Variants in STAB1 observed in about 807,000 individuals in gnomAD.
The protein encoded by STAB1 is stabilin-1.
STAB1 carries 250 observed loss-of-function variants against 332.4 expected under a neutral mutation model. The ratio of observed to expected loss-of-function variants is 0.75; its 90% confidence interval spans 0.68 to 0.84. STAB1 has a LOEUF of 0.84. STAB1 is among the 40% of genes least tolerant of loss of function. STAB1 has a pLI of 0.00. For synonymous variants in STAB1, 1,475 were observed against 1,390.4 expected, an observed-to-expected ratio of 1.06 and a Z score of -1.35; for missense variants, 3,249 against 3,489.7, an observed-to-expected ratio of 0.93 and a Z score of 1.74.
Position 52,516,692 on chromosome 3 carries a change from C to T in STAB1, c.4287C>T (p.Asn1429=). The T allele has an allele frequency of 6.2e-7, 1 of 1,612,426 alleles. No individual in the cohort carries two copies. The highest frequency in any genetic ancestry group is 1.3e-5 in the African/African-American group (1 of 75,032). Residue 1429 remains asparagine, a splice_region_variant and synonymous_variant, in exon 41 of 69, where the codon AAC becomes AAT. Coordinates refer to ENST00000321725, the MANE Select transcript of STAB1 (RefSeq NM_015136.3). ...AAGCTGCTGCTACCACCCCTCCCAG[C>T]TGCGTGCAGGACTCGGCCGGAGCCT... ...QCPRKCDPNA[N]CVQDSAGAST...
At chr3:52,520,603 T>A (rs755733052) in intron 53 of STAB1, 39 bp from the exon 54 acceptor site, 29 of 1,612,642 alleles carry the variant, frequency 1.8e-5, no homozygotes, top group Non-Finnish European at 2.4e-5. Context: ...GTGGTGTCCA[T>A]CCACCTGACT....
At chr3:52,519,602 A>G (rs1192529430) in intron 50 of STAB1, 38 bp downstream of exon 50, 1 of 1,571,380 alleles carries the variant, frequency 6.4e-7, no homozygotes, top group South Asian at 1.1e-5. Flanking sequence ...GTGGACACAC[A>G]TGCACGTGTA....
intron 25 of STAB1, among the ~76,000 whole-genome samples, chr3:52,511,440 C>G (rs899338941): frequency 6.6e-6 from 1 of 152,232 alleles, no homozygotes; most frequent in Non-Finnish European, 1.5e-5. Flanking sequence ...ATGCTCTCAC[C>G]TCCGTGGACT....
rs1276934969 is a variant in STAB1 at position 52,510,023 on chromosome 3, A to C, written c.2501A>C (p.His834Pro). 2 of 1,607,850 alleles carry C rather than the reference A, an allele frequency of 1.2e-6. No homozygotes were observed. ...PTGLAQHCHL[H>P]ARCVSQEGVA... ...GGGCTGGCCCAGCACTGCCACCTGC[A>C]TGCCCGCTGTGTTAGCCAGGAGGGT... The change falls in exon 23 of 69, where the codon CAT (histidine) becomes CCT (proline). Residue 834 changes from histidine (H) to proline (P), a missense_variant. Transcript: ENST00000321725.
Position 52,503,859 on chromosome 3 carries a change from G to A in STAB1, c.979G>A (p.Asp327Asn), listed in dbSNP as rs757736139. 1.1e-5 allele frequency: 17 copies of A among 1,613,220 alleles called. No homozygotes were observed. The highest frequency in any genetic ancestry group is 1.4e-5 in the Non-Finnish European group (17 of 1,180,022). Residue 327 changes from aspartate to asparagine, a missense_variant, in exon 9 of 69, where the codon GAC (aspartate) becomes AAC (asparagine). Asp to Asn is a conservative substitution (Grantham distance 23). Transcript: ENST00000321725. ...CGCCTTCTGCTCCCCCTTCTCCTGC[G>A]ACCGGTCTGCCACTTGCCAGGTGAC... ...CFAFCSPFSC[D>N]RSATCQVTAD...
chr3:52,507,325 A>G (rs138208839), intron 18 of STAB1, among the ~76,000 whole-genome samples: 69 of 152,332 alleles, frequency 4.5e-4, no homozygotes, highest in African/African-American at 1.6e-3. Context: ...GATTACAGGC[A>G]TGAGCCACTG....
chr3:52,500,494 T>C (rs1010383770), intron 1 of STAB1, among the ~76,000 whole-genome samples: 1 of 152,250 alleles, frequency 6.6e-6, no homozygotes, highest in Non-Finnish European at 1.5e-5. Flanking sequence ...CTCTGATTCC[T>C]GGGCAGCGGA....
rs1348626121 is a variant in STAB1 at position 52,521,672 on chromosome 3, G to A, written c.6135G>A (p.Trp2045Ter). ...GCTCCTGCTTCTGTGATGAAGGCTG[G>A]ACTGGGCCACGCTGTGAGGTGCAAC... is the stretch of plus-strand genomic sequence containing the variant. ...GSGSCFCDEGWTGPRCEVQLE... is the reference protein window; with the variant it reads ...GSGSCFCDEG The change falls in exon 57 of 69, where the codon TGG (tryptophan) becomes TGA (stop). Residue 2045 changes from tryptophan to a stop codon, truncating the protein, a stop_gained. Coordinates refer to ENST00000321725, the MANE Select transcript of STAB1 (RefSeq NM_015136.3). LOFTEE classifies it high-confidence loss of function. The A allele has an allele frequency of 6.2e-7, 1 of 1,612,896 alleles. No homozygotes were observed. Among genetic ancestry groups the A allele is most frequent in the Non-Finnish European group, 8.5e-7 (1 of 1,179,890 alleles).
chr3:52,523,846 C>G (rs1475380828), intron 66 of STAB1, 25 bp from the exon 67 acceptor site: 2 of 1,589,234 alleles, frequency 1.3e-6, no homozygotes, highest in Non-Finnish European at 8.6e-7. Flanking sequence ...CCCGCCAGGT[C>G]AACACTCTCC....
intron 13 of STAB1, 27 bp downstream of exon 13, chr3:52,505,170 C>T (rs1354204504): frequency 6.2e-7 from 1 of 1,610,858 alleles, no homozygotes; most frequent in African/African-American, 1.3e-5. Flanking sequence ...CCCTCCCCTC[C>T]CCTGTGCTGC....
rs1301616103 is a variant in STAB1, at chr3:52,511,751, G to T, written c.2883+6G>T. 6.3e-7 allele frequency: 1 copy of T among 1,575,014 alleles called. No individual in the cohort carries two copies. The highest frequency in any genetic ancestry group is 2.3e-5 in the East Asian group (1 of 43,204). On this transcript the variant is annotated splice_donor_region_variant and intron_variant, in intron 26 of 68. Transcript: ENST00000321725. ...ATGGCGGCTGCCACGGCCTGGTAAGGGGGTGCAAGGCTCAGAGCCCTGGGG... is the reference window on the plus strand; with the variant it reads ...ATGGCGGCTGCCACGGCCTGGTAAGTGGGTGCAAGGCTCAGAGCCCTGGGG...
chr3:52,506,996 C>A, intron 18 of STAB1, 146 bp downstream of exon 18: 1 of 1,106,934 alleles, frequency 9.0e-7, no homozygotes. Flanking sequence ...AAGGACCCAC[C>A]TGTGCTTCCC....
chr3:52,521,059 G>A, intron 55 of STAB1, 54 bp downstream of exon 55: 1 of 1,474,160 alleles, frequency 6.8e-7, no homozygotes, highest in Non-Finnish European at 9.0e-7. Context: ...GAGAGCCAAG[G>A]CACAGCTCTG....
Position 52,523,160 on chromosome 3 carries a change from G to T in STAB1, c.7020+26G>T. On this transcript the variant is annotated intron_variant, in intron 63 of 68. Transcript: ENST00000321725. ...GTGTGTGGGGGCCACCCTTGGGGGC[G>T]GGGGGTGCTGGGATCCCCGAGGAGG... 4 of 1,609,336 alleles carry T rather than the reference G, an allele frequency of 2.5e-6. No individual in the cohort carries two copies. In the East Asian group the frequency reaches 6.7e-5, roughly 27 times the overall value.
chr3:52,495,585 T>G, intron 1 of STAB1, 94 bp downstream of exon 1: 1 of 1,150,932 alleles, frequency 8.7e-7, no homozygotes, highest in Non-Finnish European at 1.1e-6. Context: ...GGCAGGGGCC[T>G]GGGGAGAAAC....
intron 19 of STAB1, 45 bp from the exon 20 acceptor site, chr3:52,507,886 C>A: frequency 6.3e-7 from 1 of 1,581,358 alleles, no homozygotes. Flanking sequence ...AAGGGGCTGG[C>A]CCAGAACCCA....
intron 29 of STAB1, 70 bp downstream of exon 29, chr3:52,513,028 C>T: frequency 6.4e-7 from 1 of 1,567,690 alleles, no homozygotes; most frequent in Non-Finnish European, 8.6e-7. Context: ...AGCGAGTCCT[C>T]AGCCTGGCAG....
chr3:52,517,691 C>T, intron 44 of STAB1, 67 bp downstream of exon 44: 1 of 1,585,138 alleles, frequency 6.3e-7, no homozygotes, highest in Non-Finnish European at 8.6e-7. Flanking sequence ...GGAACCAGCC[C>T]TTCTCACCTC....
intron 1 of STAB1, among the ~76,000 whole-genome samples, chr3:52,500,916 A>G (rs1708399071): frequency 6.6e-6 from 1 of 152,224 alleles, no homozygotes. Flanking sequence ...TCGATGTGAC[A>G]TTAACAACTT....
Sources: gnomAD v4.1 joint callset for allele counts (sites outside exome capture counted in the v4.1 genomes callset) on GRCh38, gnomAD v4.1.1 for gene constraint, MANE v1.5 for transcripts, NCBI Gene and HGNC (gene_info 2026-07-23, HGNC 2026-07-21) for gene names.